The following WWOX variants were observed in gnomAD, a reference collection of about 807,000 sequenced individuals.
The protein encoded by WWOX is WW domain containing oxidoreductase.
In WWOX, 69 loss-of-function variants were observed where a neutral mutation model predicts 46.2. The observed-to-expected ratio is 1.49, with a 90% CI of 1.23 to 1.82. The LOEUF (loss-of-function observed/expected upper bound fraction) is 1.82. Among genes scored for constraint, WWOX ranks in the 40% most tolerant of loss-of-function variants. The pLI is 0.00. For synonymous variants in WWOX, 359 were observed against 202.6 expected, an observed-to-expected ratio of 1.77 and a Z score of -6.56; for missense variants, 919 against 542.6, an observed-to-expected ratio of 1.69 and a Z score of -6.89.
chr16:78,836,056 C>A (rs182182063), intron 8 of WWOX, among the ~76,000 whole-genome samples: 1 of 152,254 alleles, frequency 6.6e-6, no homozygotes, highest in African/African-American at 2.4e-5. Context: ...ATTGTGTATT[C>A]ACATTGTTCT....
intron 8 of WWOX, chr16:78,895,416 A>C (rs1124356): frequency 0.38 from 57,538 of 152,144 alleles, 11,485 homozygotes; most frequent in Middle Eastern, 0.61. Flanking sequence ...TGTGGGGTCA[A>C]AACATCATGC....
Position 78,594,296 on chromosome 16 carries a change from T to C in WWOX, c.1056+161544T>C, listed in dbSNP as rs1276089572. On this transcript the variant is annotated intron_variant, in intron 8 of 8. Transcript: ENST00000566780. ...GCAAAGTCGATTCCTGACATTTCCG[T>C]AGACTGTTTTTTTTGTTTTCAGCAA... 5.3e-5 allele frequency among the ~76,000 whole-genome samples: 8 copies of C among 152,052 alleles called. No individual in the cohort carries two copies. In the East Asian group the frequency reaches 1.5e-3, roughly 29 times the overall value.
intron 6 of WWOX, among the ~76,000 whole-genome samples, chr16:78,399,212 G>A (rs1317255899): frequency 1.3e-5 from 2 of 152,182 alleles, no homozygotes; most frequent in African/African-American, 4.8e-5. Flanking sequence ...GAACAAAAAT[G>A]GAAACACATA....
At chr16:78,567,693 C>T (rs972380700) in intron 8 of WWOX, among the ~76,000 whole-genome samples, 7 of 152,100 alleles carry the variant, frequency 4.6e-5, no homozygotes, top group Non-Finnish European at 7.3e-5. Context: ...CTGGCTGTTC[C>T]CCACTGGCTG....
chr16:78,815,325 G>A lies in WWOX; in HGVS notation c.1056+382573G>A, dbSNP rs184425989. 4.0e-3 allele frequency among the ~76,000 whole-genome samples: 582 copies of A among 145,708 alleles called. 7 individuals are homozygous for A. The highest frequency in any genetic ancestry group is 3.7e-3 in the Non-Finnish European group (247 of 66,548). The stretch of plus-strand genomic sequence containing the variant: ...GGCTGAGAGAATGAAACTCTGTCTC[G>A]AGAAAAAAAAAAAAAAAGAAGGTTT... On this transcript the variant is annotated intron_variant, in intron 8 of 8. Coordinates refer to ENST00000566780, the MANE Select transcript of WWOX (RefSeq NM_016373.4).
At chr16:79,138,741 C>T (rs1209979286) in intron 8 of WWOX, among the ~76,000 whole-genome samples, 1 of 152,230 alleles carries the variant, frequency 6.6e-6, no homozygotes, top group Non-Finnish European at 1.5e-5. Context: ...GTTAATTAGA[C>T]TGTGAGTCTC....
At chr16:79,167,564 C>A (rs1424611224) in intron 8 of WWOX, among the ~76,000 whole-genome samples, 1 of 152,100 alleles carries the variant, frequency 6.6e-6, no homozygotes, top group East Asian at 1.9e-4. Flanking sequence ...CCATGGCCTC[C>A]ACGCATCGTA....
chr16:78,448,551 A>T (rs550903631), intron 8 of WWOX, among the ~76,000 whole-genome samples: 66 of 152,248 alleles, frequency 4.3e-4, no homozygotes, highest in African/African-American at 1.5e-3. Context: ...AAGCCAACAC[A>T]CAAAACCGAA....
At chr16:78,265,892 A>G (rs982351359) in intron 5 of WWOX, 6 of 152,210 alleles carry the variant, frequency 3.9e-5, no homozygotes, top group Admixed American at 1.3e-4. Flanking sequence ...CCTAATATAC[A>G]TCCAGTTTCA....
At chr16:78,971,473 A>AAAAG (rs1567449010) in intron 8 of WWOX, among the ~76,000 whole-genome samples, 2 of 136,700 alleles carry the variant, frequency 1.5e-5, no homozygotes, top group African/African-American at 5.5e-5. Flanking sequence ...AAAAAAAAAA[A>AAAAG]AGAGAGAGAT....
At chr16:78,437,850 T>A (rs2083366734) in intron 8 of WWOX, among the ~76,000 whole-genome samples, 1 of 152,252 alleles carries the variant, frequency 6.6e-6, no homozygotes, top group Non-Finnish European at 1.5e-5. Flanking sequence ...TCTAGAGCAT[T>A]CTTTTATGCA....
chr16:78,985,316 A>T (rs2046763093), intron 8 of WWOX, among the ~76,000 whole-genome samples: 1 of 152,196 alleles, frequency 6.6e-6, no homozygotes, highest in South Asian at 2.1e-4. Context: ...TCAGCCCGTA[A>T]ATCTGTGCCA....
chr16:78,251,744 G>T lies in WWOX; in HGVS notation c.516+87455G>T, dbSNP rs369128842. On this transcript the variant is annotated intron_variant, in intron 5 of 8. Transcript: ENST00000566780. Reference sequence around the variant, plus strand: ...TCCAACAGCTGATTGGCATAGTACAGATGTAGACATCAAGTAATTCTATCG... The same window carrying T: ...TCCAACAGCTGATTGGCATAGTACATATGTAGACATCAAGTAATTCTATCG... 7.2e-5 allele frequency among the ~76,000 whole-genome samples: 11 copies of T among 152,318 alleles called. 1 individual carries two copies. The highest frequency in any genetic ancestry group is 2.4e-4 in the African/African-American group (10 of 41,570).
At chr16:78,546,253 G>A (rs1357200957) in intron 8 of WWOX, among the ~76,000 whole-genome samples, 1 of 152,160 alleles carries the variant, frequency 6.6e-6, no homozygotes, top group African/African-American at 2.4e-5. Context: ...CTCTGAGGAG[G>A]TGAGGTTGGA....
intron 8 of WWOX, among the ~76,000 whole-genome samples, chr16:79,103,534 G>A (rs1018443337): frequency 2.0e-5 from 3 of 152,120 alleles, no homozygotes; most frequent in Admixed American, 6.6e-5. Context: ...TTTCATTATG[G>A]AACATGGAGA....
At chr16:78,558,090 C>T (rs2044350026) in intron 8 of WWOX, among the ~76,000 whole-genome samples, 1 of 152,100 alleles carries the variant, frequency 6.6e-6, no homozygotes, top group African/African-American at 2.4e-5. Flanking sequence ...GGCTGTGATT[C>T]TGAAGGCCCC....
At chr16:78,957,250 A>G (rs1208340542) in intron 8 of WWOX, among the ~76,000 whole-genome samples, 2 of 152,228 alleles carry the variant, frequency 1.3e-5, no homozygotes, top group East Asian at 3.8e-4. Flanking sequence ...GTGTGACGAA[A>G]TAATTATTTT....
intron 8 of WWOX, among the ~76,000 whole-genome samples, chr16:78,813,650 A>C (rs1343642571): frequency 6.6e-6 from 1 of 152,036 alleles, no homozygotes; most frequent in African/African-American, 2.4e-5. Flanking sequence ...AGGTCTTATC[A>C]ACAGCAACAA....
At position 79,179,385 on chromosome 16, in the gene WWOX, A is replaced by G. The variant is rs148669068; in HGVS notation, c.1057-32223A>G. On this transcript the variant is annotated intron_variant, in intron 8 of 8. Coordinates refer to ENST00000566780, the MANE Select transcript of WWOX (RefSeq NM_016373.4). ...ATTCCTAGGCAGACTTCTTGGGTAC[A>G]CTTTCCACCCTCCCCAGCAGTAATG... 4.6e-3 allele frequency among the ~76,000 whole-genome samples: 705 copies of G among 152,306 alleles called. 23 individuals are homozygous for G. Among genetic ancestry groups the G allele is most frequent in the Admixed American group, 0.039 (593 of 15,298 alleles).
Sources: allele counts gnomAD v4.1 joint callset (sites outside exome capture counted in the v4.1 genomes callset), GRCh38; gene constraint gnomAD v4.1.1; transcripts MANE v1.5; gene names NCBI Gene and HGNC (gene_info 2026-07-23, HGNC 2026-07-21).